The following FANCC variants were observed in gnomAD, a reference collection of about 807,000 sequenced individuals.
FANCC encodes Fanconi anemia group C protein.
FANCC carries 55 observed loss-of-function variants against 71.3 expected under a neutral mutation model. The observed-to-expected ratio is 0.77, with a 90% confidence interval of 0.62 to 0.97. FANCC has a LOEUF of 0.97. Among genes scored for constraint, FANCC ranks in the 50% least tolerant of loss-of-function variants. The pLI is 0.00. For synonymous variants in FANCC, 275 were observed against 244.9 expected (o/e 1.12, Z -1.15); for missense variants, 678 against 670.9 (o/e 1.01, Z -0.12).
chr9:95,115,991 AAAGT>A (rs1397695703), intron 11 of FANCC, among the ~76,000 whole-genome samples: 2 of 152,222 alleles, frequency 1.3e-5, no homozygotes, highest in African/African-American at 2.4e-5. Context: ...ACTGTTTCCC[AAAGT>A]AATATACAGA....
intron 7 of FANCC, among the ~76,000 whole-genome samples, chr9:95,140,089 C>T (rs1207273518): frequency 1.3e-5 from 2 of 151,874 alleles, no homozygotes; most frequent in Non-Finnish European, 1.5e-5. Flanking sequence ...AAATCCCTAC[C>T]TAATAATTGG....
Position 95,114,629 on chromosome 9 carries a change from C to T in FANCC, c.1154G>A (p.Gly385Glu), listed in dbSNP as rs1450888728. 6.2e-7 allele frequency: 1 copy of T among 1,613,572 alleles called. No homozygotes were observed. Residue 385 changes from glycine (G) to glutamate (E), a missense_variant and splice_region_variant, in exon 12 of 15, where the codon GGG becomes GAG. Coordinates refer to ENST00000289081, the MANE Select transcript of FANCC (RefSeq NM_000136.3). ...LREAVEDQTH[G>E]SCGGPFESWF... ...TTGGGAGTGGTCAGTGTTTGCTCAC[C>T]CATGAGTCTGGTCTTCAACTGCTTC...
chr9:95,101,638 C>T lies in FANCC; in HGVS notation c.*69G>A, dbSNP rs2071077475. 2.5e-6 allele frequency: 4 copies of T among 1,597,248 alleles called. No individual in the cohort carries two copies. In the South Asian group the frequency reaches 4.4e-5, roughly 18 times the overall value. ...ACTCCACAAATGCGTGGCCACAGGT[C>T]ATCACCTGTCCTGTGGCCCTGGCGA... On this transcript the variant is annotated 3_prime_UTR_variant, in exon 15 of 15. Coordinates refer to ENST00000289081, the MANE Select transcript of FANCC (RefSeq NM_000136.3).
rs371683857 is a variant in FANCC, at chr9:95,163,687, T to C, written c.521+7392A>G. Among the ~76,000 whole-genome samples the C allele has an allele frequency of 1.2e-3, 190 of 152,244 alleles. 2 individuals are homozygous for C. Among genetic ancestry groups the C allele is most frequent in the African/African-American group, 4.4e-3 (183 of 41,536 alleles). Reference sequence around the variant, plus strand: ...CAACACGGAGAAAGCCCATCTCTACTAAAAATACAAAATCATCTGGGCATG... The same window carrying C: ...CAACACGGAGAAAGCCCATCTCTACCAAAAATACAAAATCATCTGGGCATG... On this transcript the variant is annotated intron_variant, in intron 6 of 14. Transcript: ENST00000289081.
intron 12 of FANCC, among the ~76,000 whole-genome samples, chr9:95,112,030 T>C (rs1354613016): frequency 2.6e-5 from 4 of 152,180 alleles, no homozygotes; most frequent in Admixed American, 2.6e-4. Context: ...GGCAGAAACA[T>C]GGGCTATTTC....
intron 6 of FANCC, among the ~76,000 whole-genome samples, chr9:95,168,854 A>G (rs117441439): frequency 0.021 from 3,240 of 152,332 alleles, 48 homozygotes; most frequent in Non-Finnish European, 0.034. Context: ...TCTGAGTAGC[A>G]TGATGAAATC....
intron 11 of FANCC, among the ~76,000 whole-genome samples, chr9:95,115,139 A>G (rs891619125): frequency 6.6e-6 from 1 of 152,094 alleles, no homozygotes; most frequent in Non-Finnish European, 1.5e-5. Flanking sequence ...ATGAGGTTTC[A>G]CTATGTTTCT....
chr9:95,240,924 A>G (rs1419708412), intron 3 of FANCC, among the ~76,000 whole-genome samples, 181 bp from the exon 4 acceptor site: 1 of 152,178 alleles, frequency 6.6e-6, no homozygotes, highest in East Asian at 1.9e-4. Context: ...TGATGGGAAT[A>G]TTTTCCCTCA....
chr9:95,313,992 G>A (rs1835580307), intron 1 of FANCC, among the ~76,000 whole-genome samples: 1 of 152,150 alleles, frequency 6.6e-6, no homozygotes, highest in Admixed American at 6.5e-5. Flanking sequence ...AATGGTAAAA[G>A]ATTAAATGTT....
chr9:95,177,958 G>A (rs1406703566), intron 4 of FANCC, among the ~76,000 whole-genome samples: 2 of 152,110 alleles, frequency 1.3e-5, no homozygotes, highest in East Asian at 1.9e-4. Flanking sequence ...TCGGGGAGCC[G>A]TTCAGACTCT....
Position 95,107,641 on chromosome 9 carries a change from C to T in FANCC, c.1330-372G>A, listed in dbSNP as rs1588031811. ...TCACAGCCACAAATCAATTAAAGCC[C>T]CACGCAGTCAGACCTCCGCCGAGCC... On this transcript the variant is annotated intron_variant, in intron 13 of 14. Coordinates refer to ENST00000289081, the MANE Select transcript of FANCC (RefSeq NM_000136.3). The T allele has an allele frequency of 2.0e-5, 8 of 394,208 alleles. No individual in the cohort carries two copies. The East Asian group carries it at 3.9e-4, about 19-fold the overall frequency. 24.4% of individuals were successfully genotyped at this position (394,208 alleles called of 1,614,324 possible). A position where few individuals can be genotyped will look rare whatever the true frequency, so the allele number is the denominator to read the frequency against.
At chr9:95,172,363 T>TAGC (rs1246631880) in intron 4 of FANCC, among the ~76,000 whole-genome samples, 2 of 152,208 alleles carry the variant, frequency 1.3e-5, no homozygotes, top group African/African-American at 4.8e-5. Flanking sequence ...AAACAAACAT[T>TAGC]AGCAGTGAAA....
chr9:95,188,943 T>A (rs939943077), intron 4 of FANCC, among the ~76,000 whole-genome samples: 5 of 152,148 alleles, frequency 3.3e-5, no homozygotes, highest in Non-Finnish European at 7.3e-5. Context: ...AATGATATTT[T>A]AAGTTCAAAA....
At chr9:95,117,832 TCCTC>T (rs1206258125) in intron 10 of FANCC, among the ~76,000 whole-genome samples, 1 of 151,592 alleles carries the variant, frequency 6.6e-6, no homozygotes, top group Non-Finnish European at 1.5e-5. Context: ...CAAGCGATTC[TCCTC>T]CCTGTCTCCC....
At chr9:95,285,771 A>C (rs1833654086) in intron 1 of FANCC, among the ~76,000 whole-genome samples, 1 of 152,222 alleles carries the variant, frequency 6.6e-6, no homozygotes, top group African/African-American at 2.4e-5. Context: ...TCTGAAAGAT[A>C]ATCAGAGAAG....
chr9:95,315,992 T>G (rs1471994917), intron 1 of FANCC, among the ~76,000 whole-genome samples: 4 of 152,264 alleles, frequency 2.6e-5, no homozygotes, highest in Admixed American at 2.6e-4. Flanking sequence ...ATCAAGTTAA[T>G]GCTTTTTATT....
intron 4 of FANCC, among the ~76,000 whole-genome samples, chr9:95,229,937 T>G (rs1027070818): frequency 1.3e-5 from 2 of 152,130 alleles, no homozygotes; most frequent in African/African-American, 4.8e-5. Context: ...TTTAAATAAT[T>G]TTATCCATTC....
At chr9:95,108,256 A>G (rs925325674) in intron 13 of FANCC, among the ~76,000 whole-genome samples, 4 of 152,226 alleles carry the variant, frequency 2.6e-5, no homozygotes, top group Non-Finnish European at 5.9e-5. Flanking sequence ...AAACTGCACC[A>G]TCGGGCTCTT....
At chr9:95,185,607 TA>T (rs1303082247) in intron 4 of FANCC, among the ~76,000 whole-genome samples, 1 of 152,192 alleles carries the variant, frequency 6.6e-6, no homozygotes, top group African/African-American at 2.4e-5. Flanking sequence ...TGGTCTTCCT[TA>T]TCACTCTTAT....
Sources: gnomAD v4.1 joint callset for allele counts (sites outside exome capture counted in the v4.1 genomes callset) on GRCh38, gnomAD v4.1.1 for gene constraint, MANE v1.5 for transcripts, NCBI Gene and HGNC (gene_info 2026-07-23, HGNC 2026-07-21) for gene names.